Variants in OR3A2 observed in about 807,000 individuals in gnomAD.
OR3A2 encodes olfactory receptor family 3 subfamily A member 2.
For missense variants in OR3A2, 318 were observed against 392.8 expected (o/e 0.81, Z 1.61); for synonymous variants, 126 against 159.3 (o/e 0.79, Z 1.57).
chr17:3,321,196 G>T (rs1481608482), intron 3 of OR3A2, among the ~76,000 whole-genome samples: 1 of 149,008 alleles, frequency 6.7e-6, no homozygotes, highest in Non-Finnish European at 1.5e-5. Context: ...TTGTTGGTGT[G>T]TAAGAATGGG....
chr17:3,382,812 C>T (rs59495029), intron 2 of OR3A2, among the ~76,000 whole-genome samples: 21,967 of 152,228 alleles, frequency 0.14, 2,213 homozygotes, highest in African/African-American at 0.28. Context: ...TTCTCCAAAT[C>T]GTCTAGCAGA....
At chr17:3,346,882 G>A (rs1177921680) in intron 2 of OR3A2, among the ~76,000 whole-genome samples, 1 of 152,016 alleles carries the variant, frequency 6.6e-6, no homozygotes, top group Non-Finnish European at 1.5e-5. Flanking sequence ...CATTTTTTAT[G>A]GCTGAATAGT....
chr17:3,339,440 G>C (rs1348852197), intron 2 of OR3A2, among the ~76,000 whole-genome samples: 2 of 152,080 alleles, frequency 1.3e-5, no homozygotes, highest in Non-Finnish European at 2.9e-5. Context: ...ATTATTTTGA[G>C]ATACGTTCCA....
chr17:3,280,066 A>C (rs1314509137), intron 1 of OR3A2, among the ~76,000 whole-genome samples: 3 of 152,092 alleles, frequency 2.0e-5, no homozygotes, highest in Non-Finnish European at 4.4e-5. Context: ...TTCTGTGTGT[A>C]TTATCTGCTA....
chr17:3,361,077 G>A (rs1315377197), intron 2 of OR3A2, among the ~76,000 whole-genome samples: 1 of 151,374 alleles, frequency 6.6e-6, no homozygotes, highest in Non-Finnish European at 1.5e-5. Context: ...ATTTGTTTGT[G>A]TCCTCTTTTA....
rs879361320 is a variant in OR3A2, at chr17:3,352,914, A to T, written c.-178-16788T>A. Among the ~76,000 whole-genome samples, 12 of 151,714 alleles carry T rather than the reference A, an allele frequency of 7.9e-5. No homozygotes were observed. The East Asian group carries it at 2.1e-3, about 27-fold the overall frequency. On this transcript the variant is annotated intron_variant, in intron 2 of 4. Coordinates refer to the OR3A2 transcript ENST00000573491. Reference sequence around the variant, plus strand: ...TCTTTCCATTTCTGGTGTCCTGTTCAATTTCTTTTATCAGTGTTTTACAGT... The same window carrying T: ...TCTTTCCATTTCTGGTGTCCTGTTCTATTTCTTTTATCAGTGTTTTACAGT...
intron 2 of OR3A2, among the ~76,000 whole-genome samples, chr17:3,347,408 C>A (rs565829732): frequency 6.6e-6 from 1 of 152,152 alleles, no homozygotes; most frequent in Non-Finnish European, 1.5e-5. Context: ...CCCGGCCCCA[C>A]AACAGTCCCC....
At chr17:3,291,809 A>G (rs755968315) in intron 3 of OR3A2, 22 of 1,613,786 alleles carry the variant, frequency 1.4e-5, no homozygotes, top group Admixed American at 5.0e-5. Context: ...AGTTAAAGAT[A>G]CCTGAACCAT....
At chr17:3,383,869 CCT>C (rs1373412404) in exon 2 of OR3A2, 1 of 152,128 alleles carries the variant, frequency 6.6e-6, no homozygotes, top group African/African-American at 2.4e-5. Context: ...GGTCCCTTCA[CCT>C]CTGTTTTCAT....
intron 3 of OR3A2, among the ~76,000 whole-genome samples, chr17:3,303,550 G>A (rs1443953087): frequency 3.3e-5 from 5 of 151,794 alleles, no homozygotes; most frequent in African/African-American, 7.3e-5. Context: ...GATCATCCTG[G>A]CCAACATGGT....
chr17:3,339,337 G>A (rs1420932443), intron 2 of OR3A2, among the ~76,000 whole-genome samples: 1 of 152,194 alleles, frequency 6.6e-6, no homozygotes, highest in East Asian at 1.9e-4. Flanking sequence ...GGGCATCCAT[G>A]TCTTGTGCCA....
At chr17:3,293,852 AGG>A (rs2048897480) in intron 3 of OR3A2, among the ~76,000 whole-genome samples, 1 of 152,220 alleles carries the variant, frequency 6.6e-6, no homozygotes, top group Non-Finnish European at 1.5e-5. Flanking sequence ...AAACTAATGC[AGG>A]AACAGGAAAC....
chr17:3,362,257 G>A (rs1475633134), intron 2 of OR3A2, among the ~76,000 whole-genome samples: 2 of 151,612 alleles, frequency 1.3e-5, no homozygotes, highest in South Asian at 2.1e-4. Context: ...GGGATTGGTG[G>A]TGATATCCCC....
At chr17:3,343,782 C>G (rs1346447482) in intron 2 of OR3A2, among the ~76,000 whole-genome samples, 1 of 152,110 alleles carries the variant, frequency 6.6e-6, no homozygotes, top group East Asian at 1.9e-4. Context: ...TAACAGTAGT[C>G]TAGTTTTCAT....
chr17:3,336,794 C>T (rs1763525223), intron 2 of OR3A2, among the ~76,000 whole-genome samples: 2 of 152,156 alleles, frequency 1.3e-5, no homozygotes. Context: ...AATTGGGTAT[C>T]ATTTTTTAAA....
upstream of OR3A2, among the ~76,000 whole-genome samples, chr17:3,286,455 G>A (rs985770552): frequency 3.9e-5 from 6 of 152,110 alleles, no homozygotes; most frequent in Non-Finnish European, 8.8e-5. Flanking sequence ...TGGGTCAAAT[G>A]GTATTTCTAG....
chr17:3,304,351 C>A (rs970897904), intron 3 of OR3A2, among the ~76,000 whole-genome samples: 7 of 152,232 alleles, frequency 4.6e-5, no homozygotes, highest in African/African-American at 1.7e-4. Context: ...CTTTCCCTCA[C>A]CAATTCGTGC....
At chr17:3,282,525 C>A (rs531074468) in intron 1 of OR3A2, among the ~76,000 whole-genome samples, 1 of 152,210 alleles carries the variant, frequency 6.6e-6, no homozygotes, top group East Asian at 1.9e-4. Context: ...GTCTCGATGA[C>A]CAGCCTTCCA....
At chr17:3,329,828 T>C (rs1374350633) in intron 3 of OR3A2, among the ~76,000 whole-genome samples, 10 of 113,492 alleles carry the variant, frequency 8.8e-5, no homozygotes, top group Non-Finnish European at 1.5e-4. Context: ...GGATCTTTCC[T>C]GCTTTCTCTT....
Sources: gnomAD v4.1 joint callset for allele counts (sites outside exome capture counted in the v4.1 genomes callset) on GRCh38, gnomAD v4.1.1 for gene constraint, MANE v1.5 for transcripts, NCBI Gene and HGNC (gene_info 2026-07-23, HGNC 2026-07-21) for gene names.